The following PACSIN2 variants were observed in gnomAD, a reference collection of about 807,000 sequenced individuals.
PACSIN2 encodes the protein protein kinase C and casein kinase substrate in neurons protein 2.
PACSIN2 carries 25 observed loss-of-function variants against 63.8 expected under a neutral mutation model. The ratio of observed to expected loss-of-function variants is 0.39; its 90% CI spans 0.29 to 0.55. The LOEUF (loss-of-function observed/expected upper bound fraction) is 0.55. Ranked by LOEUF, PACSIN2 falls within the 20% of genes least tolerant of loss-of-function variation. PACSIN2 has a pLI of 0.62. For missense variants in PACSIN2, 518 were observed against 646.9 expected (o/e 0.80, Z 2.16); for synonymous variants, 255 against 256.2 (o/e 1.00, Z 0.05).
At chr22:42,982,033 G>T (rs1390502662) in intron 1 of PACSIN2, among the ~76,000 whole-genome samples, 14 of 104,020 alleles carry the variant, frequency 1.3e-4, no homozygotes, top group African/African-American at 4.0e-4. Flanking sequence ...CGGCCGCCCC[G>T]TCCGGGAGGT....
chr22:42,986,463 A>G lies in PACSIN2; in HGVS notation c.-78+28558T>C, dbSNP rs150099160. Among the ~76,000 whole-genome samples the G allele has an allele frequency of 2.2e-3, 334 of 152,250 alleles. 1 individual carries two copies. The highest frequency in any genetic ancestry group is 7.8e-3 in the African/African-American group (322 of 41,548). On this transcript the variant is annotated intron_variant, in intron 1 of 10. Coordinates refer to ENST00000263246, the MANE Select transcript of PACSIN2 (RefSeq NM_001184970.3). The stretch of plus-strand genomic sequence containing the variant: ...CCCTCTCCCTCCACAACCCCTTCCC[A>G]GCATGGCAACCAGCAGACAGGCTCG...
At chr22:42,963,846 AT>A (rs5845574) in intron 1 of PACSIN2, among the ~76,000 whole-genome samples, 29 of 150,412 alleles carry the variant, frequency 1.9e-4, no homozygotes, top group Admixed American at 2.0e-4. Context: ...AATTTCTACA[AT>A]TTTTTTTTCA....
intron 1 of PACSIN2, among the ~76,000 whole-genome samples, chr22:42,935,107 A>G (rs1207863873): frequency 6.9e-6 from 1 of 145,534 alleles, no homozygotes; most frequent in Non-Finnish European, 1.5e-5. Flanking sequence ...TTTTATTTTC[A>G]GTAGAGTCGG....
chr22:42,946,189 T>C (rs1045908532), intron 1 of PACSIN2, among the ~76,000 whole-genome samples: 15 of 152,258 alleles, frequency 9.9e-5, no homozygotes, highest in African/African-American at 3.6e-4. Context: ...ATTACTTTTA[T>C]AACATAAAGA....
chr22:43,014,296 G>A (rs900395087), intron 1 of PACSIN2, among the ~76,000 whole-genome samples: 59 of 109,462 alleles, frequency 5.4e-4, no homozygotes, highest in African/African-American at 2.0e-3. Context: ...GACGTGCTGC[G>A]GTAAGGGCTT....
chr22:42,908,194 C>G (rs951119583), intron 2 of PACSIN2, among the ~76,000 whole-genome samples: 1 of 152,246 alleles, frequency 6.6e-6, no homozygotes, highest in South Asian at 2.1e-4. Context: ...AGACAGCTGA[C>G]AGCTGTGCAG....
chr22:42,927,242 T>A (rs889177639), intron 1 of PACSIN2, among the ~76,000 whole-genome samples: 2 of 147,706 alleles, frequency 1.4e-5, no homozygotes, highest in African/African-American at 5.1e-5. Context: ...CTGGGTATCT[T>A]CCAGTTACTT....
rs375629150 is a variant in PACSIN2 at position 42,888,604 on chromosome 22, C to T, written c.609+39G>A. On this transcript the variant is annotated intron_variant, in intron 5 of 10. Coordinates refer to ENST00000263246, the MANE Select transcript of PACSIN2 (RefSeq NM_001184970.3). ...ATGCCAGACACGTCAACAACTGACA[C>T]GGTGACACTCGACGTGTAAAAACAA... The T allele has an allele frequency of 2.5e-5, 40 of 1,601,380 alleles. No homozygotes were observed. In the East Asian group the frequency reaches 7.6e-4, roughly 30 times the overall value.
chr22:42,917,291 C>A (rs572020967), intron 1 of PACSIN2, among the ~76,000 whole-genome samples: 2 of 152,290 alleles, frequency 1.3e-5, no homozygotes, highest in Admixed American at 6.5e-5. Flanking sequence ...GAGTTCAAAT[C>A]TTCTAGAACA....
chr22:42,886,233 G>A (rs1929463172), intron 5 of PACSIN2, among the ~76,000 whole-genome samples: 1 of 152,220 alleles, frequency 6.6e-6, no homozygotes, highest in Non-Finnish European at 1.5e-5. Context: ...CCCTTGCAGG[G>A]CATAGAAAGT....
chr22:42,963,277 G>C (rs1488474025), intron 1 of PACSIN2, among the ~76,000 whole-genome samples: 2 of 152,246 alleles, frequency 1.3e-5, no homozygotes, highest in Admixed American at 6.5e-5. Context: ...TTCTCCAAGA[G>C]TGTGCAACCA....
At chr22:42,990,832 A>C (rs1322797972) in intron 1 of PACSIN2, among the ~76,000 whole-genome samples, 2 of 147,646 alleles carry the variant, frequency 1.4e-5, no homozygotes, top group Non-Finnish European at 3.0e-5. Context: ...AAACCACTCT[A>C]TTTGGCTCAA....
intron 1 of PACSIN2, among the ~76,000 whole-genome samples, chr22:42,947,948 AG>A (rs763108619): frequency 9.2e-5 from 14 of 152,196 alleles, no homozygotes; most frequent in Non-Finnish European, 1.3e-4. Flanking sequence ...CCATTCTCAC[AG>A]GGTCGATGGA....
At chr22:43,011,879 G>A (rs1215775868) in intron 1 of PACSIN2, among the ~76,000 whole-genome samples, 1 of 152,176 alleles carries the variant, frequency 6.6e-6, no homozygotes, top group Non-Finnish European at 1.5e-5. Context: ...AGGCAAGGTG[G>A]CAGGTGCCTG....
chr22:42,935,431 T>G (rs742216), intron 1 of PACSIN2, among the ~76,000 whole-genome samples: 5,163 of 152,200 alleles, frequency 0.034, 277 homozygotes, highest in African/African-American at 0.12. Flanking sequence ...ACTGTGGACA[T>G]GGCTCCAGAC....
At chr22:42,888,885 G>T in intron 4 of PACSIN2, 87 bp from the exon 5 acceptor site, 1 of 1,384,874 alleles carries the variant, frequency 7.2e-7, no homozygotes, top group Non-Finnish European at 1.0e-6. Context: ...GAATGCTTGT[G>T]CTACCAAGAG....
intron 1 of PACSIN2, among the ~76,000 whole-genome samples, chr22:42,977,954 G>A (rs938334473): frequency 2.0e-5 from 3 of 152,138 alleles, no homozygotes; most frequent in Non-Finnish European, 2.9e-5. Flanking sequence ...ATAGCAATGT[G>A]AGAACGAACT....
At chr22:42,988,608 T>C (rs1922796413) in intron 1 of PACSIN2, among the ~76,000 whole-genome samples, 1 of 152,162 alleles carries the variant, frequency 6.6e-6, no homozygotes, top group Admixed American at 6.5e-5. Flanking sequence ...GCCACAGGTA[T>C]GAAGATTTCA....
chr22:42,983,964 CTTTTTTT>C (rs532427677), intron 1 of PACSIN2, among the ~76,000 whole-genome samples: 6 of 104,618 alleles, frequency 5.7e-5, no homozygotes, highest in African/African-American at 4.0e-5. Context: ...GCACTTAGCA[CTTTTTTT>C]TTTTTTTTTT....
Sources: allele counts gnomAD v4.1 joint callset (sites outside exome capture counted in the v4.1 genomes callset), GRCh38; gene constraint gnomAD v4.1.1; transcripts MANE v1.5; gene names NCBI Gene and HGNC (gene_info 2026-07-23, HGNC 2026-07-21).